Variants in CMTM7 observed in about 807,000 individuals in gnomAD.
The protein encoded by CMTM7 is CKLF-like MARVEL transmembrane domain-containing protein 7.
CMTM7 carries 7 observed loss-of-function variants against 19.3 expected under a neutral mutation model. The ratio of observed to expected loss-of-function variants is 0.36; its 90% confidence interval spans 0.21 to 0.68. The LOEUF is 0.68. Among genes scored for constraint, CMTM7 ranks in the 30% least tolerant of loss-of-function variants. The pLI, the probability that CMTM7 is intolerant of heterozygous loss-of-function variation, is 0.60. For missense variants in CMTM7, 193 were observed against 232.6 expected, an observed-to-expected ratio of 0.83 and a Z score of 1.11; for synonymous variants, 87 against 99.3, an observed-to-expected ratio of 0.88 and a Z score of 0.74.
Position 32,449,565 on chromosome 3 carries a change from T to C in CMTM7, c.432+13T>C. 6.3e-7 allele frequency: 1 copy of C among 1,591,944 alleles called. No individual in the cohort carries two copies. Among genetic ancestry groups the C allele is most frequent in the East Asian group, 2.2e-5 (1 of 44,790 alleles). On this transcript the variant is annotated intron_variant, in intron 3 of 4. Transcript: ENST00000334983. The surrounding 1 kb of genome is among the most constrained non-coding windows in gnomAD (Gnocchi z 4.5). ...GGTAGCCGGAGCGGTGAGGATGTTT[T>C]GGGGAGCCTTTAGGAATGAATTCTT...
At chr3:32,392,530 C>A (rs1695854004) in intron 1 of CMTM7, among the ~76,000 whole-genome samples, 2 of 152,276 alleles carry the variant, frequency 1.3e-5, no homozygotes, top group South Asian at 4.1e-4. Context: ...CCCAGCGCGG[C>A]AGGGCTTCCC....
At chr3:32,404,289 T>A (rs902094942) in intron 1 of CMTM7, among the ~76,000 whole-genome samples, 11 of 151,518 alleles carry the variant, frequency 7.3e-5, no homozygotes, top group African/African-American at 2.7e-4. Flanking sequence ...GCCTCCTGAG[T>A]AGCTGGGATT....
chr3:32,423,110 TG>T (rs1696369381), intron 1 of CMTM7, among the ~76,000 whole-genome samples: 1 of 152,198 alleles, frequency 6.6e-6, no homozygotes, highest in Non-Finnish European at 1.5e-5. Flanking sequence ...CTTCTGTGGC[TG>T]GGGGTTGGCT....
chr3:32,399,167 G>A lies in CMTM7; in HGVS notation c.159+7102G>A, dbSNP rs145735311. Among the ~76,000 whole-genome samples, 179 of 151,960 alleles carry A rather than the reference G, an allele frequency of 1.2e-3. 1 individual carries two copies. Among genetic ancestry groups the A allele is most frequent in the African/African-American group, 3.8e-3 (156 of 41,412 alleles). On this transcript the variant is annotated intron_variant, in intron 1 of 4. Coordinates refer to ENST00000334983, the MANE Select transcript of CMTM7 (RefSeq NM_138410.4). Reference sequence around the variant, plus strand: ...ATAGTCCTTAGTCTAAGAAAAATCAGCAAAGCATCATATCAACTCACCATT... The same window carrying A: ...ATAGTCCTTAGTCTAAGAAAAATCAACAAAGCATCATATCAACTCACCATT...
Position 32,454,980 on chromosome 3 carries a change from T to G in CMTM7, c.*726T>G, listed in dbSNP as rs1696887967. 1 of 158,012 alleles carries G rather than the reference T, an allele frequency of 6.3e-6. No individual in the cohort carries two copies. Among genetic ancestry groups the G allele is most frequent in the South Asian group, 1.9e-4 (1 of 5,402 alleles). 9.8% of individuals were successfully genotyped at this position (158,012 alleles called of 1,614,324 possible). ...TTGCTGAACTGCTGGACTTCAGGTT[T>G]TCTCTCCATCTTGGGGGATAGTATA... On this transcript the variant is annotated 3_prime_UTR_variant, in exon 5 of 5. Coordinates refer to ENST00000334983, the MANE Select transcript of CMTM7 (RefSeq NM_138410.4).
rs1455875544 is a variant in CMTM7 at position 32,452,387 on chromosome 3, T to C, written c.433-5T>C. ...TGAACTTCCTCTCCCCTCTCTCCACTGCAGATCTTTGGTTTCATGGCCACC... is the reference window on the plus strand; with the variant it reads ...TGAACTTCCTCTCCCCTCTCTCCACCGCAGATCTTTGGTTTCATGGCCACC... On this transcript the variant is annotated splice_polypyrimidine_tract_variant and splice_region_variant and intron_variant, in intron 3 of 4. Transcript: ENST00000334983. 6.2e-7 allele frequency: 1 copy of C among 1,614,174 alleles called. No individual in the cohort carries two copies. The highest frequency in any genetic ancestry group is 1.1e-5 in the South Asian group (1 of 91,090).
rs1559401304 is a variant in CMTM7 at position 32,404,142 on chromosome 3, C to CTTTTTTTTCTTTTTTTT, written c.159+12085_159+12086insCTTTTTTTTTTTTTTTT. 1.5e-4 allele frequency among the ~76,000 whole-genome samples: 16 copies of CTTTTTTTTCTTTTTTTT among 109,228 alleles called. 1 individual carries two copies. Among genetic ancestry groups the CTTTTTTTTCTTTTTTTT allele is most frequent in the African/African-American group, 1.7e-4 (4 of 23,554 alleles). 71.7% of individuals were successfully genotyped at this position (109,228 alleles called of 152,430 possible). On this transcript the variant is annotated intron_variant, in intron 1 of 4. Transcript: ENST00000334983. ...CCTTTGTTTAATCTTTTCTTTCTTT[C>CTTTTTTTTCTTTTTTTT]TTTTTTTTTCTTTTTTTTTCTTTTT...
At chr3:32,425,651 G>A (rs1177965241) in intron 1 of CMTM7, among the ~76,000 whole-genome samples, 2 of 152,052 alleles carry the variant, frequency 1.3e-5, no homozygotes, top group African/African-American at 2.4e-5. Flanking sequence ...CCAATCTGTT[G>A]TATATATAGT....
intron 1 of CMTM7, among the ~76,000 whole-genome samples, chr3:32,431,058 C>T (rs560074945): frequency 3.9e-5 from 6 of 152,314 alleles, no homozygotes; most frequent in South Asian, 2.1e-4. Flanking sequence ...ATGGAACTTA[C>T]GTTCAGGGGT....
intron 1 of CMTM7, among the ~76,000 whole-genome samples, chr3:32,433,028 T>A (rs1175912069): frequency 6.6e-6 from 1 of 152,222 alleles, no homozygotes; most frequent in Non-Finnish European, 1.5e-5. Context: ...AATGCTCTTT[T>A]TGCAGTCTTG....
At chr3:32,408,398 G>A (rs559358026) in intron 1 of CMTM7, among the ~76,000 whole-genome samples, 1 of 152,294 alleles carries the variant, frequency 6.6e-6, no homozygotes, top group East Asian at 1.9e-4. Context: ...GAGGTGCTTT[G>A]CTCATTTCTA....
rs1461664113 is a variant in CMTM7, at chr3:32,399,568, G to A, written c.159+7503G>A. ...GTTAGGTGCCAAGTGGAATTCAGCT[G>A]TGGGGGATGTCAGCCTCTGGTCTAG... is the stretch of plus-strand genomic sequence containing the variant. On this transcript the variant is annotated intron_variant, in intron 1 of 4. Coordinates refer to ENST00000334983, the MANE Select transcript of CMTM7 (RefSeq NM_138410.4). 2.0e-5 allele frequency among the ~76,000 whole-genome samples: 3 copies of A among 152,302 alleles called. No individual in the cohort carries two copies. The East Asian group carries it at 5.8e-4, about 29-fold the overall frequency.
At chr3:32,451,771 A>G (rs1696836364) in intron 3 of CMTM7, 1 of 257,776 alleles carries the variant, frequency 3.9e-6, no homozygotes, top group Non-Finnish European at 7.6e-6. Flanking sequence ...TCTCATCTAC[A>G]AGTGAGGGGG....
chr3:32,412,430 C>T (rs792677), intron 1 of CMTM7, among the ~76,000 whole-genome samples: 63,364 of 149,042 alleles, frequency 0.43, 13,709 homozygotes, highest in South Asian at 0.48. Flanking sequence ...GAGGTTGCAG[C>T]GAGCTGAGAT....
chr3:32,428,957 C>T (rs375086776), intron 1 of CMTM7, among the ~76,000 whole-genome samples: 2 of 152,184 alleles, frequency 1.3e-5, no homozygotes, highest in African/African-American at 2.4e-5. Context: ...CAAGGCTCTG[C>T]GCTGGTATTT....
intron 1 of CMTM7, among the ~76,000 whole-genome samples, chr3:32,416,867 T>C (rs1321373320): frequency 2.6e-5 from 4 of 152,204 alleles, no homozygotes; most frequent in Non-Finnish European, 4.4e-5. Flanking sequence ...AAGTGAACTT[T>C]TTACAAAGTG....
intron 1 of CMTM7, among the ~76,000 whole-genome samples, chr3:32,429,319 G>A (rs550679869): frequency 8.4e-4 from 116 of 138,732 alleles, no homozygotes; most frequent in African/African-American, 3.1e-3. Context: ...TTTGAGATAC[G>A]GTTTCACTCT....
At chr3:32,430,274 C>T (rs1696496417) in intron 1 of CMTM7, among the ~76,000 whole-genome samples, 1 of 152,170 alleles carries the variant, frequency 6.6e-6, no homozygotes. Flanking sequence ...ATCTCATCTG[C>T]AATCATTACA....
At chr3:32,438,153 T>C (rs187403229) in intron 1 of CMTM7, among the ~76,000 whole-genome samples, 135 of 152,284 alleles carry the variant, frequency 8.9e-4, no homozygotes, top group African/African-American at 3.1e-3. Context: ...GTTTGTGCAT[T>C]TGCTTTTCTA....
Sources: gnomAD v4.1 joint callset for allele counts (sites outside exome capture counted in the v4.1 genomes callset) on GRCh38, gnomAD v4.1.1 for gene constraint, Gnocchi (gnomAD v3.1) non-coding constraint, MANE v1.5 for transcripts, NCBI Gene and HGNC (gene_info 2026-07-23, HGNC 2026-07-21) for gene names.